BACH1: variants seen among roughly 807,000 people sequenced by gnomAD.
BACH1 encodes transcription regulator protein BACH1.
BACH1 carries 35 observed loss-of-function variants against 52.9 expected under a neutral mutation model. That is an observed-to-expected ratio of 0.66 (90% CI 0.51 to 0.88). The LOEUF (loss-of-function observed/expected upper bound fraction) is 0.88, where lower values mean the gene tolerates loss of function less well. Ranked by LOEUF, BACH1 falls within the 40% of genes least tolerant of loss-of-function variation. BACH1 has a pLI of 0.00. For missense variants in BACH1, 808 were observed against 872.6 expected (o/e 0.93, Z 0.93); for synonymous variants, 321 against 319.6 (o/e 1.00, Z -0.05).
chr21:29,358,759 G>GAA (rs371403471), intron 2 of BACH1, among the ~76,000 whole-genome samples: 1 of 78,454 alleles, frequency 1.3e-5, no homozygotes, highest in Non-Finnish European at 2.7e-5. Context: ...GAAAAGAAAA[G>GAA]AAAAGAAAAG....
chr21:29,326,065 G>T lies in BACH1; in HGVS notation c.241G>T (p.Val81Phe), dbSNP rs984389128. 2.5e-6 allele frequency: 4 copies of T among 1,601,880 alleles called. No individual in the cohort carries two copies. Among genetic ancestry groups the T allele is most frequent in the Non-Finnish European group, 3.4e-6 (4 of 1,174,508 alleles). Residue 81 changes from valine (V) to phenylalanine (F), a missense_variant, in exon 3 of 5, where the codon GTT (valine) becomes TTT (phenylalanine). Val to Phe is a conservative substitution (Grantham distance 50). Transcript: ENST00000286800. ...LNITLPEEVT[V>F]KGFEPLIQFA... ...TTATTTTGTGTATCAACAGGTGACA[G>T]TTAAAGGATTTGAACCTTTAATTCA... is the stretch of plus-strand genomic sequence containing the variant.
intron 3 of BACH1, among the ~76,000 whole-genome samples, 159 bp downstream of exon 3, chr21:29,327,552 C>T (rs1266513768): frequency 2.0e-5 from 3 of 152,110 alleles, no homozygotes; most frequent in South Asian, 2.1e-4. Context: ...TAGGGCTGGG[C>T]GCAGTGGCCC....
chr21:29,337,189 T>TA (rs2089055161), intron 4 of BACH1, among the ~76,000 whole-genome samples: 1 of 152,222 alleles, frequency 6.6e-6, no homozygotes, highest in Admixed American at 6.5e-5. Context: ...TTTTAACCTC[T>TA]ATTGTTTCAA....
At chr21:29,304,786 C>G (rs1268970632) in intron 1 of BACH1, among the ~76,000 whole-genome samples, 4 of 152,142 alleles carry the variant, frequency 2.6e-5, no homozygotes, top group Admixed American at 2.0e-4. Context: ...ACCTATCCAC[C>G]CAACTTCCTC....
At chr21:29,301,386 A>G (rs764250834) in intron 1 of BACH1, among the ~76,000 whole-genome samples, 3 of 152,242 alleles carry the variant, frequency 2.0e-5, no homozygotes, top group Non-Finnish European at 2.9e-5. Flanking sequence ...CCTGTTAACC[A>G]CTGTCAGTAA....
Position 29,326,725 on chromosome 21 carries a change from A to T in BACH1, c.901A>T (p.Thr301Ser), listed in dbSNP as rs148287786. 1 of 1,614,008 alleles carries T rather than the reference A, an allele frequency of 6.2e-7. No homozygotes were observed. Among genetic ancestry groups the T allele is most frequent in the African/African-American group, 1.3e-5 (1 of 74,948 alleles). The change falls in exon 3 of 5, where the codon ACT becomes TCT. Residue 301 changes from threonine to serine, a missense_variant. Transcript: ENST00000286800. ...GAAAGATCCTGCTTCTCAGTGCCCA[A>T]CTGAAAAATCAGAAGTGACTCCTTT... The part of the protein sequence containing the change: ...TKKDPASQCP[T>S]EKSEVTPFPH...
chr21:29,348,667 C>T (rs1194325257), downstream of BACH1, among the ~76,000 whole-genome samples: 1 of 152,166 alleles, frequency 6.6e-6, no homozygotes, highest in Non-Finnish European at 1.5e-5. Flanking sequence ...TTTCTGGTAC[C>T]TGGACTGTTG....
Position 29,342,571 on chromosome 21 carries a change from T to A in BACH1, c.1949T>A (p.Phe650Tyr). ...TCAGCTGCAGATTGCCCACTTTCAT[T>A]TTTAATTTCTGAAAAAGATAAAAGT... Reference protein sequence around the residue: ...KYSAADCPLSFLISEKDKSTP... With the variant: ...KYSAADCPLSYLISEKDKSTP... The change falls in exon 5 of 5, where the codon TTT (phenylalanine) becomes TAT (tyrosine). Residue 650 changes from phenylalanine to tyrosine, a missense_variant. Coordinates refer to ENST00000286800, the MANE Select transcript of BACH1 (RefSeq NM_001186.4). 1.9e-6 allele frequency: 3 copies of A among 1,614,228 alleles called. No individual in the cohort carries two copies. Among genetic ancestry groups the A allele is most frequent in the Non-Finnish European group, 2.5e-6 (3 of 1,180,038 alleles).
At chr21:29,310,884 T>C (rs2088713462) in intron 1 of BACH1, among the ~76,000 whole-genome samples, 1 of 152,178 alleles carries the variant, frequency 6.6e-6, no homozygotes, top group African/African-American at 2.4e-5. Context: ...ATGGTTCCTT[T>C]TGGAAATTCA....
rs1404007965 is a variant in BACH1, at chr21:29,344,605, T to C, written c.*1772T>C. On this transcript the variant is annotated 3_prime_UTR_variant, in exon 5 of 5. Coordinates refer to ENST00000286800, the MANE Select transcript of BACH1 (RefSeq NM_001186.4). ...AAGAATTTGTCAGGGAGAATAATTC[T>C]GATAGTGCATCCCATACTGCAAAAG... is the stretch of plus-strand genomic sequence containing the variant. The C allele has an allele frequency of 6.6e-6, 1 of 152,274 alleles. No homozygotes were observed. Among genetic ancestry groups the C allele is most frequent in the African/African-American group, 2.4e-5 (1 of 41,388 alleles). 9.4% of individuals were successfully genotyped at this position (152,274 alleles called of 1,614,324 possible).
chr21:29,342,458 GAC>G lies in BACH1; in HGVS notation c.1838_1839del (p.Thr613LysfsTer13), dbSNP rs2089125024. 1 of 1,614,222 alleles carries G rather than the reference GAC, an allele frequency of 6.2e-7. No homozygotes were observed. Among genetic ancestry groups the G allele is most frequent in the Non-Finnish European group, 8.5e-7 (1 of 1,180,038 alleles). On this transcript the variant is annotated frameshift_variant, in exon 5 of 5. Transcript: ENST00000286800. LOFTEE classifies it low-confidence loss of function (END_TRUNC). ...ATCACATTTTGTCAACTCTGGGTGA[GAC>G]AAAGCAGAACCTAACTGGACTTTGC... ...RDHILSTLGETKQNLTGLCQK... is the reference protein window; with the variant it reads ...RDHILSTLGEXKQNLTGLCQK...
chr21:29,334,160 C>T (rs890491686), intron 4 of BACH1, among the ~76,000 whole-genome samples: 4 of 150,740 alleles, frequency 2.7e-5, no homozygotes, highest in Non-Finnish European at 5.9e-5. Context: ...GGCTGGAGGT[C>T]GGTCTTGGCT....
chr21:29,320,095 A>G (rs776908876), intron 1 of BACH1, among the ~76,000 whole-genome samples: 12 of 152,138 alleles, frequency 7.9e-5, no homozygotes, highest in Non-Finnish European at 1.3e-4. Context: ...AGTAGTCCTT[A>G]TTTCTCCTTT....
chr21:29,337,959 A>C (rs1429135204), intron 4 of BACH1, among the ~76,000 whole-genome samples: 2 of 149,778 alleles, frequency 1.3e-5, no homozygotes, highest in Non-Finnish European at 3.0e-5. Flanking sequence ...AAACAAAAAC[A>C]AAAAAAACGA....
At chr21:29,358,599 G>T (rs1429886701) in intron 2 of BACH1, among the ~76,000 whole-genome samples, 1 of 152,080 alleles carries the variant, frequency 6.6e-6, no homozygotes, top group Non-Finnish European at 1.5e-5. Flanking sequence ...AATTAGTTGG[G>T]TGTGGTGGAG....
At chr21:29,351,605 C>T (rs1251768678) in intron 2 of BACH1, 2 of 534,718 alleles carry the variant, frequency 3.7e-6, no homozygotes, top group South Asian at 1.4e-5. Context: ...TTATGCTCAA[C>T]ATCTGATATT....
chr21:29,359,689 A>G (rs2089259486), intron 2 of BACH1, among the ~76,000 whole-genome samples: 2 of 152,108 alleles, frequency 1.3e-5, no homozygotes, highest in African/African-American at 2.4e-5. Context: ...ATTCCTAAAT[A>G]AAATAACTAC....
chr21:29,354,378 A>C (rs1182183066), intron 2 of BACH1, among the ~76,000 whole-genome samples: 2 of 152,094 alleles, frequency 1.3e-5, no homozygotes, highest in Non-Finnish European at 2.9e-5. Flanking sequence ...CCTGTGTTTC[A>C]CAGTTTGTTT....
At chr21:29,322,975 G>A (rs117473162) in intron 2 of BACH1, among the ~76,000 whole-genome samples, 358 of 152,288 alleles carry the variant, frequency 2.4e-3, no homozygotes, top group Non-Finnish European at 4.2e-3. Context: ...GTGGATTTAG[G>A]AGGAAAGGTA....
Sources: allele counts gnomAD v4.1 joint callset (sites outside exome capture counted in the v4.1 genomes callset), GRCh38; gene constraint gnomAD v4.1.1; transcripts MANE v1.5; gene names NCBI Gene and HGNC (gene_info 2026-07-23, HGNC 2026-07-21).